The following INSL6 variants were observed in gnomAD, a reference collection of about 807,000 sequenced individuals.
INSL6 encodes insulin like 6, also known as insulin-like peptide INSL6.
INSL6 carries 16 observed loss-of-function variants against 9.4 expected under a neutral mutation model. That is an observed-to-expected ratio of 1.70 (90% CI 1.15 to 2.59). INSL6 has a LOEUF of 2.59. Among genes scored for constraint, INSL6 ranks in the 30% most tolerant of loss-of-function variants. The pLI is 0.00. For missense variants in INSL6, 391 were observed against 257.3 expected (o/e 1.52, Z -3.56); for synonymous variants, 154 against 96.9 (o/e 1.59, Z -3.46).
chr9:5,073,131 A>G, the INSL6 span, among the ~76,000 whole-genome samples: 5 of 152,210 alleles, frequency 3.3e-5, no homozygotes, highest in East Asian at 3.8e-4. Context: ...TGTTGGTGTT[A>G]GAAGATGATG....
At chr9:5,112,521 G>A in the INSL6 span, 16 of 582,590 alleles carry the variant, frequency 2.7e-5, no homozygotes, top group Admixed American at 2.7e-4. Context: ...TCCCCCCAGA[G>A]CAGAAGGCCG....
At chr9:5,044,760 T>C in the INSL6 span, among the ~76,000 whole-genome samples, 6 of 152,342 alleles carry the variant, frequency 3.9e-5, no homozygotes, top group African/African-American at 1.4e-4. Context: ...TTCTTTCTTT[T>C]TTAGGACTTT....
the INSL6 span, among the ~76,000 whole-genome samples, chr9:5,002,621 T>A: frequency 2.0e-5 from 3 of 151,984 alleles, no homozygotes; most frequent in Non-Finnish European, 4.4e-5. Context: ...GGGCATTGTG[T>A]TCTGTAAATG....
chr9:5,006,875 T>C, the INSL6 span, among the ~76,000 whole-genome samples: 1 of 152,216 alleles, frequency 6.6e-6, no homozygotes, highest in African/African-American at 2.4e-5. Context: ...TTGTGCTAGT[T>C]TAGGTAAATT....
chr9:5,008,223 G>C, the INSL6 span, among the ~76,000 whole-genome samples: 1 of 152,180 alleles, frequency 6.6e-6, no homozygotes, highest in South Asian at 2.1e-4. Context: ...ATGTTTGCTT[G>C]TTCCATTGTT....
At chr9:5,136,335 C>A (rs769993235) in intron 2 of INSL6, among the ~76,000 whole-genome samples, 2 of 152,112 alleles carry the variant, frequency 1.3e-5, no homozygotes, top group Non-Finnish European at 2.9e-5. Flanking sequence ...AATTTTAGGC[C>A]GATATCCCTG....
At chr9:5,123,267 A>T, downstream of INSL6, 1 of 536,152 alleles carries the variant, frequency 1.9e-6, no homozygotes, top group Non-Finnish European at 3.4e-6. Flanking sequence ...CCTTAATAAC[A>T]TACATTGTAT....
At chr9:5,034,712 C>T in the INSL6 span, among the ~76,000 whole-genome samples, 1 of 151,800 alleles carries the variant, frequency 6.6e-6, no homozygotes, top group Non-Finnish European at 1.5e-5. Flanking sequence ...CACAACATAC[C>T]AGAATCTCTG....
the INSL6 span, chr9:5,065,146 C>G: frequency 4.4e-6 from 3 of 681,852 alleles, no homozygotes; most frequent in Non-Finnish European, 6.4e-6. Flanking sequence ...AATAATTTGA[C>G]AAGTTTTTTT....
chr9:5,183,434 T>C (rs1207759397), intron 1 of INSL6, among the ~76,000 whole-genome samples: 1 of 152,226 alleles, frequency 6.6e-6, no homozygotes, highest in Admixed American at 6.5e-5. Flanking sequence ...TCTTGTTTCA[T>C]TGCAGCTTCC....
chr9:5,062,844 A>T, the INSL6 span, among the ~76,000 whole-genome samples: 36,250 of 152,076 alleles, frequency 0.24, 4,687 homozygotes, highest in South Asian at 0.31. Flanking sequence ...TCATGTGTTT[A>T]TAGGTCAGCT....
chr9:5,180,997 G>A (rs984374404), intron 1 of INSL6, among the ~76,000 whole-genome samples: 12 of 152,126 alleles, frequency 7.9e-5, no homozygotes, highest in East Asian at 7.7e-4. Flanking sequence ...GAGTCCTACT[G>A]ATATGTGCTG....
chr9:5,007,639 C>T, the INSL6 span, among the ~76,000 whole-genome samples: 178 of 151,762 alleles, frequency 1.2e-3, no homozygotes, highest in Non-Finnish European at 2.1e-3. Context: ...AAAGTAATTG[C>T]GTTTTTTACT....
At chr9:5,018,767 A>G in the INSL6 span, among the ~76,000 whole-genome samples, 2 of 152,312 alleles carry the variant, frequency 1.3e-5, no homozygotes, top group Middle Eastern at 6.8e-3. Context: ...TTAATGAAGG[A>G]TAATTTTGCT....
chr9:5,096,498 G>C, the INSL6 span, among the ~76,000 whole-genome samples: 2 of 152,122 alleles, frequency 1.3e-5, no homozygotes, highest in South Asian at 2.1e-4. Flanking sequence ...CCCTCCATGT[G>C]GGGGGAGGGT....
intron 1 of INSL6, among the ~76,000 whole-genome samples, chr9:5,165,084 G>C (rs958589890): frequency 6.6e-6 from 1 of 152,162 alleles, no homozygotes; most frequent in East Asian, 1.9e-4. Context: ...GGTGGTGCAC[G>C]CCTGTAATAC....
At chr9:5,022,105 C>T in the INSL6 span, 1 of 1,613,750 alleles carries the variant, frequency 6.2e-7, no homozygotes, top group Non-Finnish European at 8.5e-7. Flanking sequence ...TCCAGTTCTT[C>T]AGGTGTATCT....
At chr9:5,090,789 G>A in the INSL6 span, 20 of 1,613,296 alleles carry the variant, frequency 1.2e-5, 1 homozygote, top group Middle Eastern at 1.7e-4. Flanking sequence ...ATCTGGCAAC[G>A]AGAAATATAT....
At chr9:5,134,185 T>C (rs760847005) in intron 2 of INSL6, among the ~76,000 whole-genome samples, 2 of 152,020 alleles carry the variant, frequency 1.3e-5, no homozygotes, top group African/African-American at 2.4e-5. Context: ...CCAAGAAATA[T>C]GGGACTATGT....
Sources: allele counts gnomAD v4.1 joint callset (sites outside exome capture counted in the v4.1 genomes callset), GRCh38; gene constraint gnomAD v4.1.1; transcripts MANE v1.5; gene names NCBI Gene and HGNC (gene_info 2026-07-23, HGNC 2026-07-21).